Variants in INPP5F observed in about 807,000 individuals in gnomAD.
INPP5F encodes phosphatidylinositide 4-phosphatase SAC2.
Under a neutral mutation model 137.2 loss-of-function variants are expected in INPP5F, and 97 were observed. The observed-to-expected ratio is 0.71, with a 90% CI of 0.60 to 0.84. The LOEUF is 0.84. Ranked by LOEUF, INPP5F falls within the 40% of genes least tolerant of loss-of-function variation. The pLI is 0.00. For missense variants in INPP5F, 1,271 were observed against 1,371.9 expected (o/e 0.93, Z 1.16); for synonymous variants, 504 against 476.9 (o/e 1.06, Z -0.74).
At chr10:119,757,312 C>A (rs991459304) in intron 2 of INPP5F, among the ~76,000 whole-genome samples, 2 of 151,778 alleles carry the variant, frequency 1.3e-5, no homozygotes, top group Non-Finnish European at 2.9e-5. Context: ...AGGTGATCGG[C>A]CTGCCTCAGC....
intron 2 of INPP5F, among the ~76,000 whole-genome samples, chr10:119,764,088 C>T (rs1489495548): frequency 2.6e-5 from 4 of 152,184 alleles, no homozygotes; most frequent in Non-Finnish European, 5.9e-5. Flanking sequence ...GCTTTTTCTA[C>T]AGCTCATCTC....
At chr10:119,823,952 T>TA (rs35535788) in intron 19 of INPP5F, 50 bp downstream of exon 19, 95,174 of 1,389,500 alleles carry the variant, frequency 0.068, 5,804 homozygotes, top group South Asian at 0.25. Context: ...TCCAAGGTCT[T>TA]ATTTGTTTAA....
rs184051486 is a variant in INPP5F at position 119,804,395 on chromosome 10, A to G, written c.1241+98A>G. ...TTTCTCTTCTTTGCTGGGAATAAAA[A>G]TTTCTTCTCATTGTTGGAAAGAAAA... On this transcript the variant is annotated intron_variant, in intron 10 of 19. Coordinates refer to ENST00000650623, the MANE Select transcript of INPP5F (RefSeq NM_014937.4). The G allele has an allele frequency of 5.9e-6, 6 of 1,015,018 alleles. No individual in the cohort carries two copies. The East Asian group carries it at 1.6e-4, about 28-fold the overall frequency. The allele number at this position is 1,015,018 out of a possible 1,614,324, so 62.9% of individuals were successfully genotyped here.
intron 10 of INPP5F, among the ~76,000 whole-genome samples, chr10:119,805,173 A>G (rs1850725140): frequency 2.0e-5 from 3 of 152,312 alleles, no homozygotes; most frequent in Middle Eastern, 6.8e-3. Flanking sequence ...GTATGTTTTA[A>G]TGTGTTTTTA....
At chr10:119,815,041 A>AT (rs545180941) in intron 15 of INPP5F, among the ~76,000 whole-genome samples, 89 of 151,898 alleles carry the variant, frequency 5.9e-4, no homozygotes, top group African/African-American at 2.1e-3. Context: ...AATTTTTTGT[A>AT]TTTTTAATAG....
In INPP5F at chr10:119,756,865, C is replaced by CAAA. The variant is rs11415974; in HGVS notation, c.178+5728_178+5730dup. On this transcript the variant is annotated intron_variant, in intron 2 of 19. Coordinates refer to ENST00000650623, the MANE Select transcript of INPP5F (RefSeq NM_014937.4). ...CCTGCCCTTTTAGCAAGCTCTGCCA[C>CAAA]AAAAAAAAAAAAAAAAAAAAAGGTT... Among the ~76,000 whole-genome samples the CAAA allele has an allele frequency of 1.0e-2, 965 of 96,592 alleles. 34 individuals are homozygous for CAAA. Among genetic ancestry groups the CAAA allele is most frequent in the South Asian group, 0.06 (142 of 2,360 alleles). The allele number at this position is 96,592 out of a possible 152,430, so 63.4% of individuals were successfully genotyped here. A position where few individuals can be genotyped will look rare whatever the true frequency, so the allele number is the denominator to read the frequency against.
At chr10:119,796,396 A>G (rs917579885) in intron 6 of INPP5F, among the ~76,000 whole-genome samples, 10 of 152,198 alleles carry the variant, frequency 6.6e-5, no homozygotes, top group Admixed American at 6.5e-4. Flanking sequence ...AATTTTCACA[A>G]TTCATGAAGT....
intron 3 of INPP5F, 96 bp from the exon 4 acceptor site, chr10:119,791,421 T>C: frequency 1.1e-6 from 1 of 927,248 alleles, no homozygotes; most frequent in Non-Finnish European, 1.7e-6. Context: ...AGTTTACTGT[T>C]AATCAGAATG....
At chr10:119,795,264 C>G (rs1850324801) in intron 6 of INPP5F, among the ~76,000 whole-genome samples, 1 of 151,828 alleles carries the variant, frequency 6.6e-6, no homozygotes, top group Non-Finnish European at 1.5e-5. Flanking sequence ...GGCTGACCCC[C>G]CTACCTCCCT....
Position 119,726,378 on chromosome 10 carries a change from G to C in INPP5F, c.97+19G>C, listed in dbSNP as rs189341123. 4.6e-6 allele frequency: 6 copies of C among 1,296,330 alleles called. No homozygotes were observed. The highest frequency in any genetic ancestry group is 5.9e-6 in the Non-Finnish European group (6 of 1,017,426). 80.3% of individuals were successfully genotyped at this position (1,296,330 alleles called of 1,614,324 possible). A position where few individuals can be genotyped will look rare whatever the true frequency, so the allele number is the denominator to read the frequency against. ...CGACCCGGTGAGGCTGGCGGTGCGG[G>C]CGGGGGGCACCCCGGGCCAGGGCGG... On this transcript the variant is annotated intron_variant, in intron 1 of 19. Transcript: ENST00000650623.
chr10:119,777,434 G>A (rs1849561664), intron 2 of INPP5F, among the ~76,000 whole-genome samples: 1 of 152,128 alleles, frequency 6.6e-6, no homozygotes, highest in South Asian at 2.1e-4. Flanking sequence ...GCTGAGACAG[G>A]AGAACTGCTT....
intron 6 of INPP5F, among the ~76,000 whole-genome samples, chr10:119,795,660 A>G (rs1397639273): frequency 2.0e-5 from 3 of 151,814 alleles, no homozygotes; most frequent in Non-Finnish European, 4.4e-5. Context: ...GACGCTCCTC[A>G]CTTCCCAGAC....
In INPP5F at chr10:119,823,154, C is replaced by T; in HGVS notation, c.2116C>T (p.His706Tyr). ...ATACAAAGAAGCGAGTGGCTATTTC[C>T]ACACATTGCGAGCTGTAATGCGTAA... The part of the protein sequence containing the change: ...YRYKEASGYF[H>Y]TLRAVMRNPE... Residue 706 changes from histidine to tyrosine, a missense_variant, in exon 18 of 20, where the codon CAC becomes TAC. Around this residue, in one of 6 missense-constraint regions of INPP5F, gnomAD observed 593 missense variants for 712.4 expected, o/e 0.83. Transcript: ENST00000650623. 3.7e-6 allele frequency: 6 copies of T among 1,614,056 alleles called. No individual in the cohort carries two copies. The highest frequency in any genetic ancestry group is 5.1e-6 in the Non-Finnish European group (6 of 1,179,958).
At chr10:119,804,928 T>G (rs1850715314) in intron 10 of INPP5F, among the ~76,000 whole-genome samples, 1 of 152,142 alleles carries the variant, frequency 6.6e-6, no homozygotes, top group Non-Finnish European at 1.5e-5. Flanking sequence ...GGTTTCACCA[T>G]GTTGGCCAGG....
intron 1 of INPP5F, among the ~76,000 whole-genome samples, chr10:119,726,586 C>T (rs557987318): frequency 6.6e-6 from 1 of 152,334 alleles, no homozygotes; most frequent in East Asian, 1.9e-4. Flanking sequence ...AAGGGGCTGG[C>T]GACCCTCGTC....
intron 1 of INPP5F, among the ~76,000 whole-genome samples, chr10:119,730,500 G>T (rs1848025614): frequency 6.6e-6 from 1 of 152,190 alleles, no homozygotes; most frequent in African/African-American, 2.4e-5. Flanking sequence ...CTCAGGATAA[G>T]AATTGTAATT....
At chr10:119,731,841 A>G (rs541629965) in intron 1 of INPP5F, among the ~76,000 whole-genome samples, 1 of 152,256 alleles carries the variant, frequency 6.6e-6, no homozygotes, top group South Asian at 2.1e-4. Context: ...CTAGTTTTAT[A>G]TCTTATACTA....
At chr10:119,795,064 C>G (rs1850305381) in intron 6 of INPP5F, among the ~76,000 whole-genome samples, 1 of 137,518 alleles carries the variant, frequency 7.3e-6, no homozygotes, top group Non-Finnish European at 1.6e-5. Flanking sequence ...GGGCGGCTGG[C>G]CGGGCGGGGG....
At chr10:119,816,631 G>C (rs891163733) in intron 15 of INPP5F, 3 of 152,214 alleles carry the variant, frequency 2.0e-5, no homozygotes, top group Admixed American at 2.0e-4. Flanking sequence ...TAGAACCTCT[G>C]TACAGTCCAT....
Sources: gnomAD v4.1 joint callset for allele counts (sites outside exome capture counted in the v4.1 genomes callset) on GRCh38, gnomAD v4.1.1 for gene constraint, gnomAD v4.1.1 regional missense constraint, MANE v1.5 for transcripts, NCBI Gene and HGNC (gene_info 2026-07-23, HGNC 2026-07-21) for gene names.